RDH8: variants seen among roughly 807,000 people sequenced by gnomAD.
RDH8 encodes the protein photoreceptor outer segment all-trans retinol dehydrogenase.
In RDH8, 14 loss-of-function variants were observed where a neutral mutation model predicts 22.3. The observed-to-expected ratio is 0.63, with a 90% CI of 0.42 to 0.98. The LOEUF is 0.98. RDH8 is among the 50% of genes least tolerant of loss of function. RDH8 has a pLI of 0.00. For missense variants in RDH8, 389 were observed against 409.8 expected, an observed-to-expected ratio of 0.95 and a Z score of 0.44; for synonymous variants, 175 against 171.7, an observed-to-expected ratio of 1.02 and a Z score of -0.15.
intron 3 of RDH8, among the ~76,000 whole-genome samples, chr19:10,019,755 T>G (rs1043727645): frequency 2.0e-5 from 3 of 151,308 alleles, no homozygotes; most frequent in African/African-American, 7.3e-5. Flanking sequence ...GAGCTGAGAT[T>G]GCGCCATTGC....
chr19:10,017,351 G>C (rs2087626707), intron 2 of RDH8, 136 bp downstream of exon 2: 1 of 875,180 alleles, frequency 1.1e-6, no homozygotes, highest in Non-Finnish European at 1.6e-6. Context: ...TAGACCAGTT[G>C]GCCAAGAGGG....
chr19:10,015,528 C>T (rs932142320), intron 1 of RDH8, among the ~76,000 whole-genome samples: 1 of 151,830 alleles, frequency 6.6e-6, no homozygotes, highest in African/African-American at 2.4e-5. Context: ...ACTTGAGAGG[C>T]TAAGGCAGGA....
At chr19:10,017,867 A>C (rs2087631181) in intron 2 of RDH8, among the ~76,000 whole-genome samples, 1 of 151,968 alleles carries the variant, frequency 6.6e-6, no homozygotes, top group Non-Finnish European at 1.5e-5. Flanking sequence ...GCTGGTCTCA[A>C]ACTCCTGACC....
Position 10,020,689 on chromosome 19 carries a change from C to T in RDH8, c.443-20C>T. 6.4e-7 allele frequency: 1 copy of T among 1,570,686 alleles called. No homozygotes were observed. On this transcript the variant is annotated intron_variant, in intron 3 of 5. Coordinates refer to ENST00000591589, the MANE Select transcript of RDH8 (RefSeq NM_015725.4). ...ACCTCCCAGACCCTCAAAGAGCTCT[C>T]CTCCCTCTGACCCTCACAGGTGTCA...
At position 10,021,249 on chromosome 19, in the gene RDH8, C is replaced by T. The variant is rs771005555; in HGVS notation, c.537-6C>T. On this transcript the variant is annotated splice_region_variant and splice_polypyrimidine_tract_variant and intron_variant, in intron 4 of 5. Transcript: ENST00000591589. ...CAGACTTACACTACCCATGCCTGGT[C>T]GCCAGCATCTCCCTGGTGGAGCCAG... The T allele has an allele frequency of 3.1e-6, 5 of 1,613,664 alleles. No homozygotes were observed. The highest frequency in any genetic ancestry group is 3.3e-5 in the Admixed American group (2 of 59,960).
At chr19:10,015,642 A>AC (rs1555744113) in intron 1 of RDH8, among the ~76,000 whole-genome samples, 2 of 150,470 alleles carry the variant, frequency 1.3e-5, no homozygotes, top group African/African-American at 4.9e-5. Flanking sequence ...AAAAAAAAAA[A>AC]GGGCATAAAA....
intron 1 of RDH8, 75 bp from the exon 2 acceptor site, chr19:10,016,982 A>T: frequency 7.3e-7 from 1 of 1,377,648 alleles, no homozygotes; most frequent in Non-Finnish European, 9.6e-7. Flanking sequence ...GTAACGCAAG[A>T]TCACAGACAC....
intron 1 of RDH8, 49 bp from the exon 2 acceptor site, chr19:10,017,008 A>G (rs1344393166): frequency 6.9e-7 from 1 of 1,451,690 alleles, no homozygotes; most frequent in East Asian, 2.4e-5. Context: ...GCCCACACCA[A>G]GGGGAAAGGA....
At chr19:10,019,015 C>A in intron 3 of RDH8, 105 bp downstream of exon 3, 1 of 965,290 alleles carries the variant, frequency 1.0e-6, no homozygotes, top group Non-Finnish European at 1.5e-6. Flanking sequence ...TTAGCATGGA[C>A]CCTGGGCACG....
chr19:10,017,696 G>A (rs1478846445), intron 2 of RDH8, among the ~76,000 whole-genome samples: 2 of 152,126 alleles, frequency 1.3e-5, no homozygotes, highest in African/African-American at 4.8e-5. Context: ...GCCCAGGCTG[G>A]AGTGCAGTGG....
chr19:10,016,124 C>CCTAT (rs2087612874), intron 1 of RDH8, among the ~76,000 whole-genome samples: 1 of 142,352 alleles, frequency 7.0e-6, no homozygotes, highest in Non-Finnish European at 1.5e-5. Flanking sequence ...GAAACTTTAT[C>CCTAT]TTATTTATTT....
chr19:10,014,624 C>T (rs2087595453), intron 1 of RDH8, among the ~76,000 whole-genome samples: 2 of 152,118 alleles, frequency 1.3e-5, no homozygotes, highest in African/African-American at 2.4e-5. Flanking sequence ...CTGCAGCCTC[C>T]ACTTCCCACG....
chr19:10,016,047 T>C (rs920774882), intron 1 of RDH8, among the ~76,000 whole-genome samples: 2 of 151,992 alleles, frequency 1.3e-5, no homozygotes, highest in African/African-American at 4.8e-5. Flanking sequence ...ATTTTTTTCA[T>C]GGCAATCTGT....
intron 4 of RDH8, 65 bp from the exon 5 acceptor site, chr19:10,021,190 A>C (rs2016307): frequency 0.044 from 63,950 of 1,438,952 alleles, 2,000 homozygotes; most frequent in South Asian, 0.11. Context: ...AAAAAAAAAA[A>C]TGGACAAAAT....
intron 1 of RDH8, among the ~76,000 whole-genome samples, chr19:10,015,493 G>A (rs376904627): frequency 7.9e-5 from 12 of 152,108 alleles, no homozygotes; most frequent in African/African-American, 2.9e-4. Flanking sequence ...AGCCAGGCAT[G>A]GTGGCAGTGC....
intron 3 of RDH8, among the ~76,000 whole-genome samples, chr19:10,019,606 C>T (rs2087643067): frequency 6.6e-6 from 1 of 151,768 alleles, no homozygotes; most frequent in African/African-American, 2.4e-5. Flanking sequence ...CAAGACCAGC[C>T]TGGCCAACAT....
rs761121799 is a variant in RDH8, at chr19:10,013,575, C to T, written c.78C>T (p.Ala26=). 5 of 1,613,812 alleles carry T rather than the reference C, an allele frequency of 3.1e-6. No individual in the cohort carries two copies. In the South Asian group the frequency reaches 3.3e-5, roughly 11 times the overall value. ...GTCTGGAACTTGCAGTGCAACTGGC[C>T]CATGACCCCAAGAAGCGCTACCAGG... ...GIGLELAVQL[A]HDPKKRYQVV... The change falls in exon 1 of 6, where the codon GCC becomes GCT. Residue 26 remains alanine, a synonymous_variant. Transcript: ENST00000591589.
At chr19:10,016,184 G>A (rs1159592536) in intron 1 of RDH8, among the ~76,000 whole-genome samples, 5 of 150,596 alleles carry the variant, frequency 3.3e-5, no homozygotes, top group Non-Finnish European at 7.4e-5. Flanking sequence ...GTCTCGCTCT[G>A]TTGCCAGGCT....
At position 10,019,303 on chromosome 19, in the gene RDH8, A is replaced by T. The variant is rs1267212719; in HGVS notation, c.442+393A>T. 4.6e-5 allele frequency among the ~76,000 whole-genome samples: 7 copies of T among 151,752 alleles called. No homozygotes were observed. The East Asian group carries it at 1.4e-3, about 30-fold the overall frequency. ...ACAAAGTGAAACTCTGTCTCAAAAA[A>T]AATAATAATAAAATAAAATAAATTA... On this transcript the variant is annotated intron_variant, in intron 3 of 5. Coordinates refer to ENST00000591589, the MANE Select transcript of RDH8 (RefSeq NM_015725.4).
Sources: gnomAD v4.1 joint callset for allele counts (sites outside exome capture counted in the v4.1 genomes callset) on GRCh38, gnomAD v4.1.1 for gene constraint, MANE v1.5 for transcripts, NCBI Gene and HGNC (gene_info 2026-07-23, HGNC 2026-07-21) for gene names.